The following SLC12A7 variants were observed in gnomAD, a reference collection of about 807,000 sequenced individuals.
SLC12A7 encodes the protein K-Cl cotransporter 4.
SLC12A7 carries 100 observed loss-of-function variants against 120.6 expected under a neutral mutation model. That is an observed-to-expected ratio of 0.83 (90% CI 0.71 to 0.98). SLC12A7 has a LOEUF of 0.98. Among genes scored for constraint, SLC12A7 ranks in the 50% least tolerant of loss-of-function variants. The pLI is 0.00. For missense variants in SLC12A7, 1,373 were observed against 1,548.1 expected, an observed-to-expected ratio of 0.89 and a Z score of 1.90; for synonymous variants, 760 against 678.0, an observed-to-expected ratio of 1.12 and a Z score of -1.88.
intron 1 of SLC12A7, among the ~76,000 whole-genome samples, chr5:1,107,536 C>A (rs1181307425): frequency 6.6e-6 from 1 of 152,232 alleles, no homozygotes; most frequent in South Asian, 2.1e-4. Flanking sequence ...CCAGCCACCA[C>A]CTGGCAAGGT....
the SLC12A7 span, among the ~76,000 whole-genome samples, chr5:1,137,534 C>G: frequency 2.0e-5 from 3 of 152,190 alleles, no homozygotes; most frequent in African/African-American, 7.2e-5. Flanking sequence ...CACCTTCCCC[C>G]TCCTCCTCAA....
At position 1,065,807 on chromosome 5, in the gene SLC12A7, C is replaced by T. The variant is rs371099759; in HGVS notation, c.2242-329G>A. On this transcript the variant is annotated intron_variant, in intron 17 of 23. Coordinates refer to ENST00000264930, the MANE Select transcript of SLC12A7 (RefSeq NM_006598.3). ...CAGACCCACCCCCAGTTCACTCGGA[C>T]GCTCTGGGCCAGGTTCATCCACCTG... Among the ~76,000 whole-genome samples the T allele has an allele frequency of 1.2e-4, 19 of 152,182 alleles. No individual in the cohort carries two copies. The East Asian group carries it at 2.7e-3, about 22-fold the overall frequency.
chr5:1,131,539 C>T, the SLC12A7 span, among the ~76,000 whole-genome samples: 1 of 152,194 alleles, frequency 6.6e-6, no homozygotes, highest in African/African-American at 2.4e-5. Context: ...TCCCAGAGGG[C>T]ATGCTCCGGG....
Position 1,063,921 on chromosome 5 carries a change from T to C in SLC12A7, c.2662A>G (p.Ser888Gly). 1 of 1,612,574 alleles carries C rather than the reference T, an allele frequency of 6.2e-7. No individual in the cohort carries two copies. The highest frequency in any genetic ancestry group is 8.5e-7 in the Non-Finnish European group (1 of 1,179,814). ...TGCAGGTCCTTCTTCATCTGGATGC[T>C]GTTGTCGTCCACCTGGGCCACGGTG... The part of the protein sequence containing the change: ...IFTVAQVDDN[S>G]IQMKKDLQMF... The change falls in exon 20 of 24, where the codon AGC (serine) becomes GGC (glycine). Residue 888 changes from serine (S) to glycine (G), a missense_variant. Physicochemically the swap from Ser to Gly is moderately conservative, Grantham distance 56. Transcript: ENST00000264930.
At chr5:1,115,231 G>C (rs1434768183), upstream of SLC12A7, among the ~76,000 whole-genome samples, 1 of 152,246 alleles carries the variant, frequency 6.6e-6, no homozygotes, top group South Asian at 2.1e-4. Flanking sequence ...GATTTAGTGC[G>C]AAAGTGTAGC....
the SLC12A7 span, among the ~76,000 whole-genome samples, chr5:1,142,300 C>T: frequency 1.6e-5 from 2 of 125,402 alleles, no homozygotes; most frequent in Admixed American, 7.7e-5. Context: ...CCTCCCCCCT[C>T]GCCCCTCCCG....
At chr5:1,058,210 A>C (rs980326158) in intron 21 of SLC12A7, among the ~76,000 whole-genome samples, 1 of 152,246 alleles carries the variant, frequency 6.6e-6, no homozygotes, top group African/African-American at 2.4e-5. Context: ...CAATCCGAGG[A>C]AAATGAAAAC....
chr5:1,153,792 G>C, the SLC12A7 span, among the ~76,000 whole-genome samples: 4 of 152,152 alleles, frequency 2.6e-5, no homozygotes, highest in South Asian at 2.1e-4. Context: ...CGTGCACCCT[G>C]GTGAGCAGGC....
At chr5:1,054,176 G>A (rs991783998) in intron 22 of SLC12A7, among the ~76,000 whole-genome samples, 1 of 152,212 alleles carries the variant, frequency 6.6e-6, no homozygotes, top group African/African-American at 2.4e-5. Flanking sequence ...CTGGCCAAGG[G>A]CTAAAGGACA....
the SLC12A7 span, among the ~76,000 whole-genome samples, chr5:1,136,968 A>G: frequency 6.7e-6 from 1 of 149,076 alleles, no homozygotes; most frequent in Non-Finnish European, 1.5e-5. Context: ...ACACACACAC[A>G]TGTACTCACA....
chr5:1,130,222 G>A, the SLC12A7 span, among the ~76,000 whole-genome samples: 1 of 152,086 alleles, frequency 6.6e-6, no homozygotes, highest in South Asian at 2.1e-4. Flanking sequence ...TCCAGAAGCC[G>A]CACCACTCGC....
At chr5:1,090,759 G>A (rs1263921600) in intron 3 of SLC12A7, among the ~76,000 whole-genome samples, 1 of 152,192 alleles carries the variant, frequency 6.6e-6, no homozygotes, top group Non-Finnish European at 1.5e-5. Flanking sequence ...GCTGGTTCTC[G>A]GCCAAAGGCG....
chr5:1,151,416 C>T, the SLC12A7 span, among the ~76,000 whole-genome samples: 1 of 152,202 alleles, frequency 6.6e-6, no homozygotes, highest in Non-Finnish European at 1.5e-5. The surrounding 1 kb of genome is among the most constrained non-coding windows in gnomAD (Gnocchi z 6.2). Context: ...CTGCCAGCCC[C>T]AGCACTAGGG....
At chr5:1,151,716 G>T in the SLC12A7 span, among the ~76,000 whole-genome samples, 1 of 152,102 alleles carries the variant, frequency 6.6e-6, no homozygotes, top group South Asian at 2.1e-4. This position sits in a 1 kb window ranked among gnomAD's most constrained non-coding sequence, Gnocchi z 6.2. Flanking sequence ...CGGGGGGCAG[G>T]GGGTGGGTGG....
the SLC12A7 span, among the ~76,000 whole-genome samples, chr5:1,131,974 G>A: frequency 6.6e-6 from 1 of 152,182 alleles, no homozygotes; most frequent in Non-Finnish European, 1.5e-5. Flanking sequence ...GGTCTGATGA[G>A]GCTGAGGCCT....
At chr5:1,116,238 C>T (rs1396980425), upstream of SLC12A7, among the ~76,000 whole-genome samples, 5 of 152,206 alleles carry the variant, frequency 3.3e-5, no homozygotes, top group Non-Finnish European at 7.4e-5. Flanking sequence ...GCAAACAATG[C>T]CAGGCTCTTC....
upstream of SLC12A7, among the ~76,000 whole-genome samples, chr5:1,112,985 A>G (rs541855715): frequency 6.6e-6 from 1 of 151,822 alleles, no homozygotes; most frequent in East Asian, 2.0e-4. Context: ...TCCTTGGGAA[A>G]TGTTCCAGAA....
At chr5:1,105,806 A>G (rs1442770998) in intron 1 of SLC12A7, among the ~76,000 whole-genome samples, 1 of 152,124 alleles carries the variant, frequency 6.6e-6, no homozygotes, top group Non-Finnish European at 1.5e-5. Context: ...CCAGCTGCTC[A>G]CCAGGCCCCA....
At chr5:1,057,746 G>T in intron 21 of SLC12A7, 97 bp from the exon 22 acceptor site, 1 of 1,193,700 alleles carries the variant, frequency 8.4e-7, no homozygotes, top group Non-Finnish European at 1.2e-6. Flanking sequence ...GCAGCTCACA[G>T]AACCTGAAGG....
Sources: gnomAD v4.1 joint callset for allele counts (sites outside exome capture counted in the v4.1 genomes callset) on GRCh38, gnomAD v4.1.1 for gene constraint, Gnocchi (gnomAD v3.1) non-coding constraint, MANE v1.5 for transcripts, NCBI Gene and HGNC (gene_info 2026-07-23, HGNC 2026-07-21) for gene names.